The following AMMECR1 variants were observed in gnomAD, a reference collection of about 807,000 sequenced individuals.
AMMECR1 encodes AMMECR nuclear protein 1, also known as nuclear protein AMMECR1.
AMMECR1 carries 3 observed loss-of-function variants against 22.5 expected under a neutral mutation model. The observed-to-expected ratio is 0.13, with a 90% confidence interval of 0.06 to 0.35. AMMECR1 has a LOEUF of 0.35. Among genes scored for constraint, AMMECR1 ranks in the 10% least tolerant of loss-of-function variants. The probability of loss-of-function intolerance (pLI) is 1.00; values close to 1 mark genes in which losing one functional copy is unlikely to be tolerated. For missense variants in AMMECR1, 235 were observed against 278.7 expected (o/e 0.84, Z 1.12); for synonymous variants, 130 against 116.7 (o/e 1.11, Z -0.74).
In AMMECR1 at chrX:110,261,291, G is replaced by A. The variant is rs186186129; in HGVS notation, c.584+3198C>T. ...TAGTCTATCTAATCACAGATGAACC[G>A]GATATTTGAATTTTTAAAAAGATGC... On this transcript the variant is annotated intron_variant, in intron 2 of 5. Transcript: ENST00000262844. Among the ~76,000 whole-genome samples, 23 of 111,729 alleles carry A rather than the reference G, an allele frequency of 2.1e-4. No individual in the cohort carries two copies. In the East Asian group the frequency reaches 5.9e-3, roughly 29 times the overall value.
At chrX:110,249,985 C>T (rs2067679051) in intron 2 of AMMECR1, among the ~76,000 whole-genome samples, 1 of 111,628 alleles carries the variant, frequency 9.0e-6, no homozygotes, top group East Asian at 2.8e-4. Flanking sequence ...TTGAGATTCT[C>T]TAACTCTGAT....
intron 1 of AMMECR1, among the ~76,000 whole-genome samples, chrX:110,289,286 C>T (rs2067896117): frequency 9.0e-6 from 1 of 111,250 alleles, no homozygotes; most frequent in African/African-American, 3.3e-5. Context: ...GTACAGAAGG[C>T]ACATAAAGCC....
chrX:110,347,310 T>C (rs982391571), intron 2 of AMMECR1, among the ~76,000 whole-genome samples: 3 of 112,876 alleles, frequency 2.7e-5, no homozygotes, highest in Non-Finnish European at 5.6e-5. Flanking sequence ...CGAAATGCTG[T>C]ATGGCATATA....
chrX:110,435,615 C>A (rs1019421281), intron 1 of AMMECR1, among the ~76,000 whole-genome samples: 2 of 111,771 alleles, frequency 1.8e-5, no homozygotes, highest in Non-Finnish European at 3.8e-5. Context: ...TTCTGAGTCT[C>A]CAAATGACCT....
chrX:110,197,464 A>G lies in AMMECR1; in HGVS notation c.*1056T>C, dbSNP rs771874227. ...ACAAATTTAAATTAATATAAAATAGACAAATGTCTCTTATTGGTTATTTGC... is the reference window on the plus strand; with the variant it reads ...ACAAATTTAAATTAATATAAAATAGGCAAATGTCTCTTATTGGTTATTTGC... On this transcript the variant is annotated 3_prime_UTR_variant, in exon 6 of 6. Transcript: ENST00000262844. 1 of 112,114 alleles carries G rather than the reference A, an allele frequency of 8.9e-6. No individual in the cohort carries two copies. The highest frequency in any genetic ancestry group is 2.8e-4 in the East Asian group (1 of 3,590). The allele number at this position is 112,114 out of a possible 1,213,427, so 9.2% of individuals were successfully genotyped here. A position where few individuals can be genotyped will look rare whatever the true frequency, so the allele number is the denominator to read the frequency against.
intron 2 of AMMECR1, among the ~76,000 whole-genome samples, chrX:110,380,931 C>A (rs1033732538): frequency 1.8e-5 from 2 of 112,140 alleles, no homozygotes; most frequent in South Asian, 7.3e-4. Flanking sequence ...ACCATATATA[C>A]AAAAATTAAC....
chrX:110,354,057 T>C (rs990103695), intron 2 of AMMECR1, among the ~76,000 whole-genome samples: 7 of 112,263 alleles, frequency 6.2e-5, no homozygotes, highest in Non-Finnish European at 9.4e-5. Context: ...TGCTCATGGA[T>C]TGGAATAATT....
At chrX:110,232,282 C>A (rs1271921549) in intron 2 of AMMECR1, among the ~76,000 whole-genome samples, 2 of 111,890 alleles carry the variant, frequency 1.8e-5, no homozygotes, top group Admixed American at 9.5e-5. Context: ...CACTCCTCAG[C>A]AAATGTAAAA....
intron 2 of AMMECR1, among the ~76,000 whole-genome samples, chrX:110,420,856 T>A (rs2068712292): frequency 9.0e-6 from 1 of 111,347 alleles, no homozygotes; most frequent in South Asian, 3.9e-4. Context: ...GGGAGGCAGG[T>A]TTCCGATCCT....
At chrX:110,373,508 A>C (rs1251334396) in intron 2 of AMMECR1, among the ~76,000 whole-genome samples, 2 of 112,114 alleles carry the variant, frequency 1.8e-5, no homozygotes, top group African/African-American at 3.2e-5. Flanking sequence ...TCTAACAGAA[A>C]ACAGTTCCTG....
chrX:110,372,032 C>T (rs1010464384), intron 2 of AMMECR1, among the ~76,000 whole-genome samples: 1 of 111,400 alleles, frequency 9.0e-6, no homozygotes, highest in Non-Finnish European at 1.9e-5. Flanking sequence ...TGTTAAGGTC[C>T]CAGCTCCTAG....
intron 2 of AMMECR1, among the ~76,000 whole-genome samples, chrX:110,261,512 T>C (rs1408425629): frequency 9.0e-6 from 1 of 111,543 alleles, no homozygotes; most frequent in African/African-American, 3.3e-5. Context: ...TCAAAAAAAA[T>C]TGTATTCTTA....
intron 2 of AMMECR1, among the ~76,000 whole-genome samples, chrX:110,255,083 C>G (rs991906470): frequency 8.9e-6 from 1 of 112,438 alleles, no homozygotes; most frequent in Non-Finnish European, 1.9e-5. Context: ...TTTTCTTCCT[C>G]TTCGGGATTT....
At position 110,314,397 on chromosome X, in the gene AMMECR1, C is replaced by T. The variant is rs540829418; in HGVS notation, c.473+3202G>A. The stretch of plus-strand genomic sequence containing the variant: ...GTAGACTATAACCAGTGGTTCGCCA[C>T]CTTGGCTGCACATTAAACTCACCTG... On this transcript the variant is annotated intron_variant, in intron 1 of 5. Transcript: ENST00000262844. Among the ~76,000 whole-genome samples the T allele has an allele frequency of 2.7e-5, 3 of 111,968 alleles. No homozygotes were observed. The South Asian group carries it at 1.1e-3, about 42-fold the overall frequency.
intron 1 of AMMECR1, among the ~76,000 whole-genome samples, chrX:110,279,635 CCTT>C (rs1251026022): frequency 3.6e-5 from 4 of 111,633 alleles, no homozygotes; most frequent in Admixed American, 9.5e-5. Flanking sequence ...CCATCCCCCT[CCTT>C]CTCTATTAAA....
At chrX:110,409,034 C>T (rs766013310) in intron 2 of AMMECR1, among the ~76,000 whole-genome samples, 15 of 111,582 alleles carry the variant, frequency 1.3e-4, no homozygotes, top group Non-Finnish European at 3.8e-5. Flanking sequence ...CTGATGGCTT[C>T]GTGAGGGCCA....
At chrX:110,396,649 CT>C in intron 2 of AMMECR1, among the ~76,000 whole-genome samples, 1 of 112,049 alleles carries the variant, frequency 8.9e-6, no homozygotes, top group East Asian at 2.8e-4. Flanking sequence ...CCAGATTCCC[CT>C]CTCCCTGTTT....
At chrX:110,247,636 C>T (rs2067665141) in intron 2 of AMMECR1, among the ~76,000 whole-genome samples, 2 of 109,444 alleles carry the variant, frequency 1.8e-5, no homozygotes, top group South Asian at 7.9e-4. Context: ...GGTTGCAGTG[C>T]GCCCAGAGGG....
intron 1 of AMMECR1, among the ~76,000 whole-genome samples, chrX:110,433,776 C>A (rs1194227574): frequency 1.8e-5 from 2 of 112,181 alleles, no homozygotes; most frequent in Non-Finnish European, 3.8e-5. Flanking sequence ...TCATTATCGG[C>A]ATATTATATA....
Sources: allele counts gnomAD v4.1 joint callset (sites outside exome capture counted in the v4.1 genomes callset), GRCh38; gene constraint gnomAD v4.1.1; transcripts MANE v1.5; gene names NCBI Gene and HGNC (gene_info 2026-07-23, HGNC 2026-07-21).